The following TRIP12 variants were observed in gnomAD, a reference collection of about 807,000 sequenced individuals.
TRIP12 encodes the protein thyroid hormone receptor interactor 12, also known as E3 ubiquitin-protein ligase TRIP12.
Under a neutral mutation model 244.2 loss-of-function variants are expected in TRIP12, and 25 were observed. That is an observed-to-expected ratio of 0.10 (90% CI 0.07 to 0.14). TRIP12 has a LOEUF of 0.14. TRIP12 is among the 10% of genes least tolerant of loss of function. The pLI is 1.00. For missense variants in TRIP12, 1,677 were observed against 2,486.4 expected (o/e 0.67, Z 6.92); for synonymous variants, 905 against 873.1 (o/e 1.04, Z -0.64).
chr2:229,819,040 CCA>C (rs370625320), intron 8 of TRIP12, among the ~76,000 whole-genome samples: 22,739 of 133,658 alleles, frequency 0.17, 1,503 homozygotes, highest in Non-Finnish European at 0.2. Context: ...AAAATAAAAA[CCA>C]CACACACACA....
chr2:229,829,164 G>A (rs2052610158), intron 8 of TRIP12, 29 bp downstream of exon 8: 2 of 1,596,496 alleles, frequency 1.3e-6, no homozygotes, highest in East Asian at 4.5e-5. Flanking sequence ...ATTATTGAGG[G>A]ATTTCAGGGA....
chr2:229,767,834 C>T (rs2032324440), intron 41 of TRIP12, 84 bp from the exon 42 acceptor site: 1 of 1,281,934 alleles, frequency 7.8e-7, no homozygotes. Context: ...CTTTGCCGTA[C>T]AATATTACAC....
At chr2:229,918,865 T>C (rs1208976142) in intron 1 of TRIP12, among the ~76,000 whole-genome samples, 1 of 152,192 alleles carries the variant, frequency 6.6e-6, no homozygotes, top group Non-Finnish European at 1.5e-5. Flanking sequence ...ATTTAGCATG[T>C]TGTTTTTTTT....
At chr2:229,860,658 C>A in intron 2 of TRIP12, 127 bp from the exon 3 acceptor site, 1 of 932,206 alleles carries the variant, frequency 1.1e-6, no homozygotes, top group Non-Finnish European at 1.4e-6. Context: ...ACCCTTTTTC[C>A]AAATATTTAT....
In TRIP12 at chr2:229,859,033, A is replaced by T. The variant is rs764690367; in HGVS notation, c.766T>A (p.Ser256Thr). The T allele has an allele frequency of 3.4e-5, 55 of 1,614,040 alleles. No individual in the cohort carries two copies. Among genetic ancestry groups the T allele is most frequent in the South Asian group, 2.2e-5 (2 of 91,082 alleles). ...SSSSAVASASSTVPPGARVKQ... is the reference protein window; with the variant it reads ...SSSSAVASASTTVPPGARVKQ... Reference sequence around the variant, plus strand: ...ACTCTGGCACCTGGTGGTACAGTGGAGGAGGCCGAGGCTACAGCAGAAGAC... The same window carrying T: ...ACTCTGGCACCTGGTGGTACAGTGGTGGAGGCCGAGGCTACAGCAGAAGAC... Residue 256 changes from serine to threonine, a missense_variant, in exon 4 of 42, where the codon TCC (serine) becomes ACC (threonine). Physicochemically the swap from Ser to Thr is moderately conservative, Grantham distance 58 (BLOSUM62 1). Around this residue, in one of 11 missense-constraint regions of TRIP12, gnomAD observed 387 missense variants for 392.6 expected, o/e 0.99. Coordinates refer to ENST00000675903, the MANE Select transcript of TRIP12 (RefSeq NM_001348323.3).
intron 9 of TRIP12, 39 bp from the exon 10 acceptor site, chr2:229,815,347 T>C (rs2048234436): frequency 1.6e-6 from 2 of 1,228,140 alleles, no homozygotes; most frequent in Middle Eastern, 2.8e-4. Flanking sequence ...GCTATATTCC[T>C]TGGGAAAATC....
At chr2:229,860,299 A>G (rs2060253108) in intron 3 of TRIP12, 107 bp downstream of exon 3, 1 of 1,379,510 alleles carries the variant, frequency 7.2e-7, no homozygotes, top group Non-Finnish European at 9.8e-7. Context: ...AGAATAATGA[A>G]AATATGTATC....
upstream of TRIP12, chr2:229,922,586 C>T (rs2076765199): frequency 1.2e-6 from 2 of 1,614,100 alleles, no homozygotes; most frequent in East Asian, 4.5e-5. Flanking sequence ...AGACTATTAC[C>T]AGTTACTGGT....
chr2:229,798,379 T>C (rs2043343245), intron 23 of TRIP12, among the ~76,000 whole-genome samples: 1 of 152,124 alleles, frequency 6.6e-6, no homozygotes, highest in Non-Finnish European at 1.5e-5. Context: ...ACATTTGGTC[T>C]TTTAAAATTT....
At chr2:229,919,732 T>C (rs1037764511) in intron 1 of TRIP12, among the ~76,000 whole-genome samples, 2 of 152,060 alleles carry the variant, frequency 1.3e-5, no homozygotes, top group African/African-American at 4.8e-5. Flanking sequence ...ATGGAAACAA[T>C]GATAATCTTA....
intron 1 of TRIP12, among the ~76,000 whole-genome samples, chr2:229,888,503 G>A (rs1576685875): frequency 6.6e-6 from 1 of 152,242 alleles, no homozygotes; most frequent in African/African-American, 2.4e-5. Flanking sequence ...CAAGCACTGG[G>A]AAAATAAATC....
chr2:229,822,608 A>T (rs1480594818), intron 8 of TRIP12, among the ~76,000 whole-genome samples: 1 of 152,198 alleles, frequency 6.6e-6, no homozygotes, highest in Admixed American at 6.5e-5. Context: ...AGAAAAAAGA[A>T]AGCTAGCACT....
At position 229,867,659 on chromosome 2, in the gene TRIP12, C is replaced by T. The variant is rs186499458; in HGVS notation, c.99-7128G>A. Among the ~76,000 whole-genome samples the T allele has an allele frequency of 2.6e-5, 4 of 152,204 alleles. No homozygotes were observed. In the East Asian group the frequency reaches 7.7e-4, roughly 29 times the overall value. On this transcript the variant is annotated intron_variant, in intron 2 of 41. Transcript: ENST00000675903. ...ATATATATTTTTAAGTGACACTGAA[C>T]ACTTTTAAGAAGGCATTCCAAGACT...
chr2:229,780,896 G>A (rs1473473482), intron 34 of TRIP12, among the ~76,000 whole-genome samples: 1 of 152,136 alleles, frequency 6.6e-6, no homozygotes, highest in African/African-American at 2.4e-5. Flanking sequence ...CCAAGCACTA[G>A]AGGCCTGAGG....
intron 2 of TRIP12, among the ~76,000 whole-genome samples, chr2:229,870,437 A>C (rs543325180): frequency 1.3e-5 from 2 of 152,362 alleles, no homozygotes; most frequent in African/African-American, 4.8e-5. Context: ...GAGAGGAGGC[A>C]GCCAGACAGA....
chr2:229,875,006 G>A (rs571075291), intron 2 of TRIP12, among the ~76,000 whole-genome samples: 10 of 152,128 alleles, frequency 6.6e-5, no homozygotes, highest in Non-Finnish European at 1.3e-4. Flanking sequence ...TGCTAGAACT[G>A]GAAAAGGCTA....
At chr2:229,902,685 T>C (rs2071332436) in intron 1 of TRIP12, among the ~76,000 whole-genome samples, 1 of 152,222 alleles carries the variant, frequency 6.6e-6, no homozygotes, top group African/African-American at 2.4e-5. Context: ...ATTAATTTTG[T>C]GAATTTAACA....
At chr2:229,914,909 C>A (rs55888866) in intron 1 of TRIP12, among the ~76,000 whole-genome samples, 1 of 152,118 alleles carries the variant, frequency 6.6e-6, no homozygotes, top group Admixed American at 6.5e-5. Flanking sequence ...GAATAAACTA[C>A]AATGATGTAT....
intron 4 of TRIP12, among the ~76,000 whole-genome samples, chr2:229,844,903 T>C (rs2057262351): frequency 6.6e-6 from 1 of 152,188 alleles, no homozygotes; most frequent in African/African-American, 2.4e-5. Context: ...TCTGGAGAGC[T>C]ATCTCCTACC....
Sources: gnomAD v4.1 joint callset for allele counts (sites outside exome capture counted in the v4.1 genomes callset) on GRCh38, gnomAD v4.1.1 for gene constraint, gnomAD v4.1.1 regional missense constraint, MANE v1.5 for transcripts, NCBI Gene and HGNC (gene_info 2026-07-23, HGNC 2026-07-21) for gene names.